The following USP24 variants were observed in gnomAD, a reference collection of about 807,000 sequenced individuals.
The protein encoded by USP24 is ubiquitin specific peptidase 24.
USP24 carries 97 observed loss-of-function variants against 361.6 expected under a neutral mutation model. The observed-to-expected ratio is 0.27, with a 90% CI of 0.23 to 0.32. The LOEUF is 0.32. USP24 is among the 10% of genes least tolerant of loss of function. The pLI, the probability that USP24 is intolerant of heterozygous loss-of-function variation, is 1.00. For synonymous variants in USP24, 1,098 were observed against 1,124.6 expected (o/e 0.98, Z 0.47); for missense variants, 2,353 against 3,165.6 (o/e 0.74, Z 6.16).
chr1:55,128,652 C>A (rs1646503719), intron 32 of USP24, among the ~76,000 whole-genome samples: 1 of 151,844 alleles, frequency 6.6e-6, no homozygotes, highest in Non-Finnish European at 1.5e-5. Context: ...ACCAATGTAA[C>A]CACTACTTTC....
chr1:55,123,441 G>T lies in USP24; in HGVS notation c.4276+6C>A. On this transcript the variant is annotated splice_donor_region_variant and intron_variant, in intron 36 of 67. Transcript: ENST00000294383. ...GAGATTAATCACAAACAAGCCTCCAGCATACCCAGTTGCTGGCTCCGAAGC... is the reference window on the plus strand; with the variant it reads ...GAGATTAATCACAAACAAGCCTCCATCATACCCAGTTGCTGGCTCCGAAGC... 6.3e-7 allele frequency: 1 copy of T among 1,580,324 alleles called. No individual in the cohort carries two copies. Among genetic ancestry groups the T allele is most frequent in the Non-Finnish European group, 8.6e-7 (1 of 1,162,860 alleles).
chr1:55,110,122 C>T (rs376874388), intron 39 of USP24, 63 bp downstream of exon 39: 596 of 1,303,898 alleles, frequency 4.6e-4, no homozygotes, highest in Non-Finnish European at 5.4e-4. Context: ...TAGAAATGTC[C>T]GTGTGACTTT....
intron 45 of USP24, 122 bp from the exon 46 acceptor site, chr1:55,098,680 T>C: frequency 1.4e-6 from 1 of 714,248 alleles, no homozygotes; most frequent in Non-Finnish European, 2.5e-6. Context: ...TAGTATCAGC[T>C]GTGGTGAATG....
At chr1:55,134,221 C>T in intron 29 of USP24, 58 bp from the exon 30 acceptor site, 1 of 1,579,642 alleles carries the variant, frequency 6.3e-7, no homozygotes, top group African/African-American at 1.4e-5. Context: ...TCAACAAAGT[C>T]CATTAGTATG....
chr1:55,107,871 CAA>C (rs1645834672), intron 39 of USP24, among the ~76,000 whole-genome samples: 1 of 103,884 alleles, frequency 9.6e-6, no homozygotes, highest in South Asian at 3.4e-4. Context: ...AAAAAACACA[CAA>C]AAACCCCACA....
intron 35 of USP24, 45 bp downstream of exon 35, chr1:55,124,424 A>G: frequency 6.4e-7 from 1 of 1,567,042 alleles, no homozygotes. Flanking sequence ...TCTTATGGTT[A>G]TTTCTTACCC....
At chr1:55,123,331 C>T in intron 36 of USP24, 116 bp downstream of exon 36, 1 of 1,232,190 alleles carries the variant, frequency 8.1e-7, no homozygotes, top group Non-Finnish European at 1.1e-6. Context: ...ATGCCAACTT[C>T]CCGCCTTTTT....
At chr1:55,161,529 C>A (rs1343950258) in intron 8 of USP24, among the ~76,000 whole-genome samples, 1 of 152,090 alleles carries the variant, frequency 6.6e-6, no homozygotes, top group African/African-American at 2.4e-5. Flanking sequence ...GGACACTGTG[C>A]TTTCAAAACC....
intron 7 of USP24, 54 bp downstream of exon 7, chr1:55,165,831 C>T: frequency 6.8e-7 from 1 of 1,478,816 alleles, no homozygotes; most frequent in Non-Finnish European, 9.2e-7. Flanking sequence ...TGGCTGTACA[C>T]CAACTCAAGT....
chr1:55,173,136 T>C (rs1649619305), intron 3 of USP24, among the ~76,000 whole-genome samples: 1 of 152,174 alleles, frequency 6.6e-6, no homozygotes, highest in Non-Finnish European at 1.5e-5. Flanking sequence ...AGAAATAGGA[T>C]AATTTTTTTC....
In USP24 at chr1:55,123,454, C is replaced by A; in HGVS notation, c.4269G>T (p.Gln1423His). The change falls in exon 36 of 68, where the codon CAG becomes CAT. Residue 1423 changes from glutamine (Q) to histidine (H), a missense_variant. Gln to His is a conservative substitution (Grantham distance 24). Transcript: ENST00000294383. ...LLVTCLQLRS[Q>H]QLASFYNLPC... ...AACAAGCCTCCAGCATACCCAGTTG[C>A]TGGCTCCGAAGCTGTAGGCACGTAA... The A allele has an allele frequency of 1.3e-6, 2 of 1,586,422 alleles. No homozygotes were observed. Among genetic ancestry groups the A allele is most frequent in the Non-Finnish European group, 1.7e-6 (2 of 1,166,076 alleles).
At chr1:55,146,780 A>T in intron 19 of USP24, 149 bp downstream of exon 19, 1 of 811,832 alleles carries the variant, frequency 1.2e-6, no homozygotes, top group South Asian at 2.2e-5. Context: ...TATATGTTAT[A>T]TAAAACATTT....
chr1:55,078,157 G>A (rs17111581), intron 61 of USP24, among the ~76,000 whole-genome samples: 2,572 of 152,264 alleles, frequency 0.017, 47 homozygotes, highest in African/African-American at 0.04. Flanking sequence ...TATACATAGT[G>A]GAAATTCATA....
chr1:55,078,024 T>C (rs1365995093), intron 61 of USP24, among the ~76,000 whole-genome samples: 1 of 152,192 alleles, frequency 6.6e-6, no homozygotes, highest in African/African-American at 2.4e-5. Context: ...AAACATATTA[T>C]AATAAGAGCC....
intron 45 of USP24, among the ~76,000 whole-genome samples, chr1:55,098,909 T>TA (rs112538498): frequency 0.04 from 6,141 of 152,194 alleles, 396 homozygotes; most frequent in African/African-American, 0.14. Context: ...CAAGTTACTT[T>TA]AAAAAATGGA....
chr1:55,202,658 G>A (rs2100925827), intron 1 of USP24, among the ~76,000 whole-genome samples: 1 of 152,286 alleles, frequency 6.6e-6, no homozygotes, highest in East Asian at 1.9e-4. Flanking sequence ...ACCTGCCTTG[G>A]CCTCCCAAAG....
At position 55,125,772 on chromosome 1, in the gene USP24, A is replaced by C; in HGVS notation, c.3636-14T>G. 6.5e-7 allele frequency: 1 copy of C among 1,550,298 alleles called. No individual in the cohort carries two copies. Among genetic ancestry groups the C allele is most frequent in the Non-Finnish European group, 8.7e-7 (1 of 1,145,934 alleles). On this transcript the variant is annotated splice_polypyrimidine_tract_variant and intron_variant, in intron 32 of 67. Coordinates refer to ENST00000294383, the MANE Select transcript of USP24 (RefSeq NM_015306.3). Reference sequence around the variant, plus strand: ...TTTACAACCAAACTTCAAAAAGAAGAAAAAAAGGCAGGATATTAAAGACTT... The same window carrying C: ...TTTACAACCAAACTTCAAAAAGAAGCAAAAAAGGCAGGATATTAAAGACTT...
intron 12 of USP24, among the ~76,000 whole-genome samples, chr1:55,156,704 C>T (rs1316745377): frequency 1.3e-5 from 2 of 152,090 alleles, no homozygotes; most frequent in East Asian, 3.9e-4. Context: ...TGCTATATGA[C>T]CTTCTCATTT....
chr1:55,096,188 C>T (rs992579128), intron 50 of USP24, among the ~76,000 whole-genome samples: 1 of 152,210 alleles, frequency 6.6e-6, no homozygotes, highest in Non-Finnish European at 1.5e-5. Context: ...ACTTCCAAAA[C>T]TATTTTTAAG....
Sources: gnomAD v4.1 joint callset for allele counts (sites outside exome capture counted in the v4.1 genomes callset) on GRCh38, gnomAD v4.1.1 for gene constraint, MANE v1.5 for transcripts, NCBI Gene and HGNC (gene_info 2026-07-23, HGNC 2026-07-21) for gene names.